ACOXL: variants seen among roughly 807,000 people sequenced by gnomAD.
ACOXL encodes acyl-CoA oxidase like.
In ACOXL, 70 loss-of-function variants were observed where a neutral mutation model predicts 71.9. That is an observed-to-expected ratio of 0.97 (90% CI 0.80 to 1.19). The LOEUF (loss-of-function observed/expected upper bound fraction) is 1.19, where lower values mean the gene tolerates loss of function less well. Among genes scored for constraint, ACOXL ranks in the 50% most tolerant of loss-of-function variants. The probability of loss-of-function intolerance (pLI) is 0.00; values close to 1 mark genes in which losing one functional copy is unlikely to be tolerated. For missense variants in ACOXL, 703 were observed against 736.3 expected (o/e 0.95, Z 0.52); for synonymous variants, 253 against 281.6 (o/e 0.90, Z 1.02).
chr2:110,986,503 G>A (rs969022442), intron 12 of ACOXL, among the ~76,000 whole-genome samples: 10 of 152,188 alleles, frequency 6.6e-5, no homozygotes, highest in Middle Eastern at 3.2e-3. Context: ...CTGAGTGGAG[G>A]CACGCTGGTC....
intron 13 of ACOXL, among the ~76,000 whole-genome samples, chr2:110,993,367 C>G (rs747069383): frequency 3.3e-5 from 5 of 152,232 alleles, no homozygotes; most frequent in African/African-American, 4.8e-5. Context: ...TATACTAGAA[C>G]TTCACATAAA....
At chr2:110,945,842 T>C (rs1372870805) in intron 12 of ACOXL, among the ~76,000 whole-genome samples, 1 of 152,222 alleles carries the variant, frequency 6.6e-6, no homozygotes, top group Non-Finnish European at 1.5e-5. Context: ...TTTGGTTCCG[T>C]ATGAATTTTA....
intron 11 of ACOXL, among the ~76,000 whole-genome samples, chr2:110,921,995 G>A (rs535334760): frequency 6.6e-6 from 1 of 152,302 alleles, no homozygotes; most frequent in South Asian, 2.1e-4. Context: ...TAAAAAGGAT[G>A]TGTATTTTGT....
In ACOXL at chr2:110,817,484, A is replaced by G. The variant is rs114556216; in HGVS notation, c.753+12089A>G. Among the ~76,000 whole-genome samples the G allele has an allele frequency of 5.4e-3, 822 of 152,366 alleles. 6 individuals carry two copies. The highest frequency in any genetic ancestry group is 0.014 in the African/African-American group (600 of 41,584). The stretch of plus-strand genomic sequence containing the variant: ...CTGCACTGGAGAAGGGATGCTGGAC[A>G]TGTTGGAGCCTCAAAGTGCAGCATC... On this transcript the variant is annotated intron_variant, in intron 9 of 17. Transcript: ENST00000439055.
intron 12 of ACOXL, among the ~76,000 whole-genome samples, chr2:110,942,760 G>A (rs1317206052): frequency 6.6e-6 from 1 of 151,268 alleles, no homozygotes; most frequent in Non-Finnish European, 1.5e-5. Context: ...GTGTGGTGGT[G>A]TAATCCTGGC....
At chr2:110,862,690 G>A (rs181646150) in intron 10 of ACOXL, among the ~76,000 whole-genome samples, 11 of 152,360 alleles carry the variant, frequency 7.2e-5, no homozygotes, top group Non-Finnish European at 1.6e-4. Flanking sequence ...GCTAAATTCT[G>A]TGTGTGCCCC....
At chr2:111,021,413 AG>A (rs2064752997) in intron 14 of ACOXL, among the ~76,000 whole-genome samples, 2 of 152,140 alleles carry the variant, frequency 1.3e-5, no homozygotes, top group South Asian at 2.1e-4. Context: ...CAGGATGTTG[AG>A]GGAGATTTGT....
At chr2:111,035,654 GTAATTA>G (rs1558895580) in intron 15 of ACOXL, among the ~76,000 whole-genome samples, 1 of 152,182 alleles carries the variant, frequency 6.6e-6, no homozygotes, top group Non-Finnish European at 1.5e-5. Context: ...AGAGCAGGTT[GTAATTA>G]TAATTAGAAT....
intron 12 of ACOXL, among the ~76,000 whole-genome samples, chr2:110,956,259 C>G (rs918137663): frequency 1.3e-5 from 2 of 152,104 alleles, no homozygotes; most frequent in Non-Finnish European, 2.9e-5. Flanking sequence ...CAATGTCTGT[C>G]TCTCTCATGA....
intron 1 of ACOXL, among the ~76,000 whole-genome samples, chr2:110,746,553 C>T (rs987464435): frequency 6.6e-6 from 1 of 152,082 alleles, no homozygotes; most frequent in Non-Finnish European, 1.5e-5. Context: ...GGGCATGTTG[C>T]CTGCCTCCAT....
chr2:110,803,200 A>G (rs1040297311), intron 8 of ACOXL, among the ~76,000 whole-genome samples: 2 of 152,202 alleles, frequency 1.3e-5, no homozygotes, highest in Non-Finnish European at 2.9e-5. Context: ...ATGGAAATGC[A>G]GGAAACTTAG....
intron 16 of ACOXL, among the ~76,000 whole-genome samples, chr2:111,079,431 C>T (rs939045090): frequency 1.3e-5 from 2 of 152,214 alleles, no homozygotes; most frequent in Non-Finnish European, 2.9e-5. Flanking sequence ...CCTCAGGCTG[C>T]ATTCAACATT....
At position 110,834,838 on chromosome 2, in the gene ACOXL, G is replaced by A. The variant is rs114512371; in HGVS notation, c.754-6533G>A. On this transcript the variant is annotated intron_variant, in intron 9 of 17. Coordinates refer to ENST00000439055, the MANE Select transcript of ACOXL (RefSeq NM_001142807.4). ...CCCAAGGTGATGTTGCTGCAGAGAT[G>A]GCAACTCAGGACTCACAACTTTTCA... is the stretch of plus-strand genomic sequence containing the variant. 6.4e-3 allele frequency among the ~76,000 whole-genome samples: 969 copies of A among 152,322 alleles called. 11 individuals carry two copies. Among genetic ancestry groups the A allele is most frequent in the Non-Finnish European group, 6.9e-3 (472 of 68,038 alleles).
chr2:110,937,290 C>T (rs992996309), intron 12 of ACOXL, among the ~76,000 whole-genome samples: 5 of 152,096 alleles, frequency 3.3e-5, no homozygotes, highest in African/African-American at 1.2e-4. Context: ...AAAAGATGCT[C>T]CAGCACCCAG....
intron 12 of ACOXL, among the ~76,000 whole-genome samples, chr2:110,971,034 C>T (rs888869551): frequency 7.2e-5 from 11 of 152,014 alleles, no homozygotes; most frequent in African/African-American, 2.7e-4. Flanking sequence ...AAAAGATAAG[C>T]TACAGACAGG....
At chr2:110,926,070 G>A (rs2060257742) in intron 11 of ACOXL, among the ~76,000 whole-genome samples, 1 of 151,962 alleles carries the variant, frequency 6.6e-6, no homozygotes, top group South Asian at 2.1e-4. Flanking sequence ...TACCAATTAA[G>A]TTCACTGTCT....
intron 1 of ACOXL, among the ~76,000 whole-genome samples, chr2:110,754,350 G>A (rs1442861478): frequency 1.3e-5 from 2 of 152,006 alleles, no homozygotes; most frequent in African/African-American, 2.4e-5. Flanking sequence ...GAGATTACAG[G>A]TGTGAGCCAC....
At chr2:110,834,467 G>A (rs1186281131) in intron 9 of ACOXL, among the ~76,000 whole-genome samples, 1 of 152,224 alleles carries the variant, frequency 6.6e-6, no homozygotes, top group African/African-American at 2.4e-5. Context: ...TCATTGACAA[G>A]CTGTAAACAG....
At chr2:111,036,362 G>A (rs566808837) in intron 15 of ACOXL, among the ~76,000 whole-genome samples, 3 of 152,174 alleles carry the variant, frequency 2.0e-5, no homozygotes, top group Admixed American at 6.5e-5. Flanking sequence ...GAGGGAAGGA[G>A]CCCTGGGTGC....
Sources: gnomAD v4.1 joint callset for allele counts (sites outside exome capture counted in the v4.1 genomes callset) on GRCh38, gnomAD v4.1.1 for gene constraint, MANE v1.5 for transcripts, NCBI Gene and HGNC (gene_info 2026-07-23, HGNC 2026-07-21) for gene names.